Variants in PUDP observed in about 807,000 individuals in gnomAD.
PUDP encodes the protein pseudouridine 5'-phosphatase, also known as pseudouridine-5'-phosphatase.
PUDP carries 8 observed loss-of-function variants against 9.4 expected under a neutral mutation model. That is an observed-to-expected ratio of 0.85 (90% CI 0.50 to 1.53). PUDP has a LOEUF of 1.53. PUDP is among the 40% of genes most tolerant of loss of function. The probability of loss-of-function intolerance (pLI) is 0.00; values close to 1 mark genes in which losing one functional copy is unlikely to be tolerated. For missense variants in PUDP, 188 were observed against 189.7 expected (o/e 0.99, Z 0.05); for synonymous variants, 99 against 80.7 (o/e 1.23, Z -1.22).
At chrX:7,133,488 G>A (rs1264771584) in intron 1 of PUDP, among the ~76,000 whole-genome samples, 2 of 112,361 alleles carry the variant, frequency 1.8e-5, no homozygotes, top group African/African-American at 3.2e-5. Flanking sequence ...GGCAAAGGAA[G>A]CCGGAAGTTC....
intron 3 of PUDP, among the ~76,000 whole-genome samples, chrX:6,745,090 C>T (rs1412190981): frequency 1.8e-5 from 2 of 111,619 alleles, no homozygotes; most frequent in Non-Finnish European, 3.8e-5. Flanking sequence ...TCGAAAATTG[C>T]AGCATGATGG....
intron 3 of PUDP, among the ~76,000 whole-genome samples, chrX:6,963,758 C>T (rs911153522): frequency 1.4e-4 from 16 of 111,839 alleles, no homozygotes; most frequent in African/African-American, 4.9e-4. Flanking sequence ...CAAAGTGAGA[C>T]GTCAGAAGTG....
intron 2 of PUDP, among the ~76,000 whole-genome samples, chrX:7,104,779 C>T (rs1931832405): frequency 8.9e-6 from 1 of 111,891 alleles, no homozygotes; most frequent in South Asian, 3.7e-4. Context: ...TGTGTGTGTG[C>T]TGCCCAGGAA....
chrX:7,133,301 G>A lies in PUDP; in HGVS notation c.61+14752C>T, dbSNP rs143876621. ...CCAGGGAGGTCAAGGGGTCATCAGA[G>A]CAGAAGCATGTGCCGAAGCCATGAG... On this transcript the variant is annotated intron_variant, in intron 1 of 3. Coordinates refer to ENST00000381077, the MANE Select transcript of PUDP (RefSeq NM_012080.5). Among the ~76,000 whole-genome samples, 181 of 111,859 alleles carry A rather than the reference G, an allele frequency of 1.6e-3. 1 individual carries two copies. The highest frequency in any genetic ancestry group is 5.7e-3 in the African/African-American group (176 of 30,733).
At chrX:6,744,665 C>T (rs1322993325) in intron 3 of PUDP, among the ~76,000 whole-genome samples, 2 of 111,080 alleles carry the variant, frequency 1.8e-5, no homozygotes, top group Admixed American at 9.7e-5. Context: ...GAATCCTATC[C>T]GAGGTCTCAC....
chrX:6,755,574 A>G (rs1403678678), intron 3 of PUDP, among the ~76,000 whole-genome samples: 10 of 111,806 alleles, frequency 8.9e-5, no homozygotes, highest in Admixed American at 8.6e-4. Context: ...ATATATTTCA[A>G]TCTTTCATCA....
chrX:7,095,815 C>A (rs1931556186), intron 2 of PUDP, among the ~76,000 whole-genome samples: 2 of 112,408 alleles, frequency 1.8e-5, no homozygotes, highest in African/African-American at 6.5e-5. Flanking sequence ...GGAAGCTGAC[C>A]TGGGTGCTTC....
intron 1 of PUDP, among the ~76,000 whole-genome samples, chrX:6,988,090 C>T (rs898673900): frequency 8.9e-6 from 1 of 111,908 alleles, no homozygotes; most frequent in Non-Finnish European, 1.9e-5. Context: ...GGAAAAATGT[C>T]CTAGGGCAAC....
At chrX:6,940,702 G>A (rs1602682769) in intron 3 of PUDP, among the ~76,000 whole-genome samples, 1 of 111,168 alleles carries the variant, frequency 9.0e-6, no homozygotes, top group Non-Finnish European at 1.9e-5. Context: ...ACAGAGACAC[G>A]AGAGTAACAA....
intron 1 of PUDP, among the ~76,000 whole-genome samples, chrX:7,108,843 C>T (rs1193910179): frequency 2.7e-5 from 3 of 111,751 alleles, no homozygotes; most frequent in East Asian, 2.8e-4. Context: ...TGAGCCTCTG[C>T]GCCTGGCCAC....
chrX:6,889,403 A>G (rs1927479903), intron 3 of PUDP, among the ~76,000 whole-genome samples: 1 of 111,699 alleles, frequency 9.0e-6, no homozygotes, highest in South Asian at 3.8e-4. Context: ...CCTGGGCTCA[A>G]GCCATCCTCC....
At chrX:6,941,340 T>TA in intron 3 of PUDP, among the ~76,000 whole-genome samples, 1 of 82,676 alleles carries the variant, frequency 1.2e-5, no homozygotes, top group Non-Finnish European at 2.4e-5. Flanking sequence ...TTCTTTTCTG[T>TA]CTTTTTTTTT....
chrX:6,810,215 G>C (rs1180051332), intron 3 of PUDP, among the ~76,000 whole-genome samples: 1 of 111,629 alleles, frequency 9.0e-6, no homozygotes, highest in Admixed American at 9.5e-5. Flanking sequence ...ACAAGATTTC[G>C]TTGATAGTAG....
At chrX:6,849,928 T>G (rs1476921488) in intron 3 of PUDP, among the ~76,000 whole-genome samples, 1 of 111,991 alleles carries the variant, frequency 8.9e-6, no homozygotes, top group Non-Finnish European at 1.9e-5. Context: ...CCAAACTGCC[T>G]CCATTCCAAA....
chrX:6,760,063 G>A, intron 3 of PUDP, among the ~76,000 whole-genome samples: 1 of 111,715 alleles, frequency 9.0e-6, no homozygotes, highest in Admixed American at 9.5e-5. Flanking sequence ...TCTTTAATGT[G>A]AATTACTGGA....
At chrX:6,849,374 C>T (rs1926795422) in intron 3 of PUDP, among the ~76,000 whole-genome samples, 2 of 111,681 alleles carry the variant, frequency 1.8e-5, no homozygotes, top group South Asian at 7.6e-4. Context: ...CAGCTTGGTG[C>T]ATCTTAGGAA....
chrX:7,000,742 A>T (rs929308518), intron 1 of PUDP, among the ~76,000 whole-genome samples: 2 of 108,599 alleles, frequency 1.8e-5, no homozygotes, highest in African/African-American at 6.6e-5. Flanking sequence ...TTTATTCCTG[A>T]TTTTTTTTAC....
rs142143583 is a variant in PUDP, at chrX:6,796,418, T to A, written c.*248-89952A>T. On this transcript the variant is annotated intron_variant and NMD_transcript_variant, in intron 3 of 3. Transcript: ENST00000655425. ...TGCTTAAAGGAAATCAAATTACGGCTGAGGAAGCATGCATAAAAGGAAAGA... is the reference window on the plus strand; with the variant it reads ...TGCTTAAAGGAAATCAAATTACGGCAGAGGAAGCATGCATAAAAGGAAAGA... Among the ~76,000 whole-genome samples, 53 of 111,875 alleles carry A rather than the reference T, an allele frequency of 4.7e-4. No individual in the cohort carries two copies. The East Asian group carries it at 0.011, about 24-fold the overall frequency.
At chrX:6,784,502 G>A (rs997051045) in intron 3 of PUDP, among the ~76,000 whole-genome samples, 2 of 111,268 alleles carry the variant, frequency 1.8e-5, no homozygotes, top group Non-Finnish European at 3.8e-5. Flanking sequence ...AGAGTCTACC[G>A]AAGGGAAACC....
Sources: gnomAD v4.1 joint callset for allele counts (sites outside exome capture counted in the v4.1 genomes callset) on GRCh38, gnomAD v4.1.1 for gene constraint, MANE v1.5 for transcripts, NCBI Gene and HGNC (gene_info 2026-07-23, HGNC 2026-07-21) for gene names.